The following CYP2J2 variants were observed in gnomAD, a reference collection of about 807,000 sequenced individuals.
CYP2J2 encodes cytochrome P450 family 2 subfamily J member 2, also known as cytochrome P450 2J2.
CYP2J2 carries 41 observed loss-of-function variants against 48.8 expected under a neutral mutation model. The observed-to-expected ratio is 0.84, with a 90% CI of 0.66 to 1.09. The LOEUF (loss-of-function observed/expected upper bound fraction) is 1.09. Ranked by LOEUF, CYP2J2 falls within the 50% of genes least tolerant of loss-of-function variation. CYP2J2 has a pLI of 0.00. For missense variants in CYP2J2, 644 were observed against 617.3 expected, an observed-to-expected ratio of 1.04 and a Z score of -0.46; for synonymous variants, 221 against 227.1, an observed-to-expected ratio of 0.97 and a Z score of 0.24.
the CYP2J2 span, among the ~76,000 whole-genome samples, chr1:59,954,674 T>C: frequency 1.3e-5 from 2 of 152,098 alleles, no homozygotes; most frequent in Non-Finnish European, 2.9e-5. Flanking sequence ...TGAAATATTT[T>C]AAATATATTA....
chr1:59,926,680 G>C lies in CYP2J2; in HGVS notation c.67C>G (p.Leu23Val), dbSNP rs770076500. ...GCGAGCAGAAAGGCGACAGTGCCCA[G>C]TAGGAGAGTCCGAGGATGGACCACT... ...WAVVHPRTLL[L>V]GTVAFLLAAD... is the part of the protein sequence containing the mutation. Residue 23 changes from leucine (L) to valine (V), a missense_variant, in exon 1 of 9, where the codon CTG (leucine) becomes GTG (valine). Leu to Val is a conservative substitution (Grantham distance 32, BLOSUM62 1). Transcript: ENST00000371204. 1.6e-5 allele frequency: 26 copies of C among 1,614,186 alleles called. No homozygotes were observed. Among genetic ancestry groups the C allele is most frequent in the Non-Finnish European group, 2.2e-5 (26 of 1,180,010 alleles).
intron 1 of CYP2J2, among the ~76,000 whole-genome samples, chr1:59,922,328 G>A (rs1418037397): frequency 6.6e-6 from 1 of 152,144 alleles, no homozygotes; most frequent in African/African-American, 2.4e-5. Context: ...CCTAACTTGT[G>A]TGCCCATCAT....
chr1:59,955,263 TCC>T, the CYP2J2 span, among the ~76,000 whole-genome samples: 26 of 25,568 alleles, frequency 1.0e-3, no homozygotes, highest in Non-Finnish European at 1.7e-3. Flanking sequence ...CATATATATA[TCC>T]ATATATATAT....
chr1:59,955,695 G>A, the CYP2J2 span, among the ~76,000 whole-genome samples: 2 of 152,046 alleles, frequency 1.3e-5, no homozygotes, highest in Admixed American at 1.3e-4. Flanking sequence ...TAGTATTCTG[G>A]GCTAGAACGC....
At chr1:59,965,787 G>A in the CYP2J2 span, among the ~76,000 whole-genome samples, 1 of 152,118 alleles carries the variant, frequency 6.6e-6, no homozygotes, top group African/African-American at 2.4e-5. Context: ...GAGTAGCTGG[G>A]ATTACAGGCA....
At chr1:59,959,669 A>G in the CYP2J2 span, among the ~76,000 whole-genome samples, 2 of 152,086 alleles carry the variant, frequency 1.3e-5, no homozygotes, top group Non-Finnish European at 2.9e-5. Flanking sequence ...ACATATACAT[A>G]TATATACATA....
intron 7 of CYP2J2, 39 bp from the exon 8 acceptor site, chr1:59,901,142 A>G (rs1445009510): frequency 3.1e-5 from 49 of 1,601,678 alleles, no homozygotes; most frequent in Middle Eastern, 1.7e-4. Context: ...GGCTTGACCC[A>G]TGAAAAAGCA....
At chr1:59,959,574 ATATG>A in the CYP2J2 span, among the ~76,000 whole-genome samples, 33 of 152,096 alleles carry the variant, frequency 2.2e-4, no homozygotes, top group Admixed American at 6.5e-4. Context: ...GTATGTGTAT[ATATG>A]TATGTATGTA....
At chr1:59,898,609 T>G (rs541442311) in intron 8 of CYP2J2, among the ~76,000 whole-genome samples, 1 of 152,348 alleles carries the variant, frequency 6.6e-6, no homozygotes, top group African/African-American at 2.4e-5. Context: ...TTAGTGAATC[T>G]TAGGCCTTTA....
At chr1:59,964,561 GA>G in the CYP2J2 span, among the ~76,000 whole-genome samples, 1 of 152,308 alleles carries the variant, frequency 6.6e-6, no homozygotes, top group East Asian at 1.9e-4. Context: ...TGCATAAGAT[GA>G]GAAGCTCCTT....
rs201628108 is a variant in CYP2J2, at chr1:59,909,838, C to A, written c.807G>T (p.Trp269Cys). The A allele has an allele frequency of 7.5e-6, 12 of 1,607,068 alleles. No individual in the cohort carries two copies. The highest frequency in any genetic ancestry group is 1.0e-5 in the Non-Finnish European group (12 of 1,177,928). Residue 269 changes from tryptophan (W) to cysteine (C), a missense_variant, in exon 5 of 9, where the codon TGG becomes TGT. Trp to Cys is a radical substitution (Grantham distance 215). Coordinates refer to ENST00000371204, the MANE Select transcript of CYP2J2 (RefSeq NM_000775.4). Reference protein sequence around the residue: ...SHMIDKHRKDWNPAETRDFID... With the variant: ...SHMIDKHRKDCNPAETRDFID... ...TAAAGTCTCTTGTTTCTGCAGGATTCCAATCCTTTCTGTGTTTGTCAATCA... is the reference window on the plus strand; with the variant it reads ...TAAAGTCTCTTGTTTCTGCAGGATTACAATCCTTTCTGTGTTTGTCAATCA...
intron 4 of CYP2J2, among the ~76,000 whole-genome samples, chr1:59,910,473 T>C (rs374768058): frequency 1.1e-5 from 1 of 93,042 alleles, no homozygotes. Context: ...CTGATGAGTA[T>C]ACACAGTGAT....
the CYP2J2 span, among the ~76,000 whole-genome samples, chr1:59,949,268 G>A: frequency 6.6e-6 from 1 of 151,974 alleles, no homozygotes; most frequent in African/African-American, 2.4e-5. Flanking sequence ...GATCCTCTTT[G>A]TCTGCTATGG....
chr1:59,959,614 T>C, the CYP2J2 span, among the ~76,000 whole-genome samples: 1 of 147,660 alleles, frequency 6.8e-6, no homozygotes. Flanking sequence ...TATATATGTA[T>C]ATATGTGATA....
At chr1:59,914,603 G>A (rs1358061197) in intron 2 of CYP2J2, among the ~76,000 whole-genome samples, 3 of 152,158 alleles carry the variant, frequency 2.0e-5, no homozygotes, top group Non-Finnish European at 2.9e-5. Context: ...TTTACAAGCA[G>A]TATTCTTGGT....
chr1:59,931,911 A>G, the CYP2J2 span, among the ~76,000 whole-genome samples: 2 of 152,162 alleles, frequency 1.3e-5, no homozygotes, highest in Non-Finnish European at 2.9e-5. Flanking sequence ...AAAAATTTCT[A>G]TTAGTGATCT....
intron 6 of CYP2J2, among the ~76,000 whole-genome samples, chr1:59,906,403 G>T (rs11572286): frequency 0.032 from 4,860 of 151,780 alleles, 134 homozygotes; most frequent in Admixed American, 0.087. Flanking sequence ...AGAGCAACAA[G>T]TTGGAAGGAG....
At chr1:59,932,990 A>T in the CYP2J2 span, among the ~76,000 whole-genome samples, 2 of 152,310 alleles carry the variant, frequency 1.3e-5, no homozygotes, top group East Asian at 3.9e-4. Context: ...TAATTGATTT[A>T]GCAGATAAGT....
Position 59,909,894 on chromosome 1 carries a change from A to G in CYP2J2, c.751T>C (p.Trp251Arg), listed in dbSNP as rs763164639. Residue 251 changes from tryptophan to arginine, a missense_variant, in exon 5 of 9, where the codon TGG becomes CGG. Transcript: ENST00000371204. ...PGPHQTLFSN[W>R]KKLKLFVSHM... ...GAAACAAACAATTTCAGTTTTTTCC[A>G]GTTGCTGAAGAGAGTTTGGTGGGGT... 1.9e-6 allele frequency: 3 copies of G among 1,612,174 alleles called. No homozygotes were observed. The highest frequency in any genetic ancestry group is 2.5e-6 in the Non-Finnish European group (3 of 1,179,128).
Sources: gnomAD v4.1 joint callset for allele counts (sites outside exome capture counted in the v4.1 genomes callset) on GRCh38, gnomAD v4.1.1 for gene constraint, MANE v1.5 for transcripts, NCBI Gene and HGNC (gene_info 2026-07-23, HGNC 2026-07-21) for gene names.